MYO5B: variants seen among roughly 807,000 people sequenced by gnomAD.
MYO5B encodes the protein unconventional myosin-Vb.
Under a neutral mutation model 229.3 loss-of-function variants are expected in MYO5B, and 143 were observed. That is an observed-to-expected ratio of 0.62 (90% CI 0.54 to 0.72). The LOEUF is 0.72. Ranked by LOEUF, MYO5B falls within the 30% of genes least tolerant of loss-of-function variation. The probability of loss-of-function intolerance (pLI) is 0.00; values close to 1 mark genes in which losing one functional copy is unlikely to be tolerated. For synonymous variants in MYO5B, 918 were observed against 885.2 expected, an observed-to-expected ratio of 1.04 and a Z score of -0.66; for missense variants, 2,321 against 2,331.0, an observed-to-expected ratio of 1.00 and a Z score of 0.09.
intron 4 of MYO5B, among the ~76,000 whole-genome samples, chr18:50,015,619 G>A (rs1286551951): frequency 6.6e-6 from 1 of 152,190 alleles, no homozygotes; most frequent in African/African-American, 2.4e-5. Flanking sequence ...CAGCAGGTGT[G>A]CCCAGGGCAA....
chr18:49,936,573 G>A (rs1383105133), intron 15 of MYO5B, among the ~76,000 whole-genome samples: 1 of 152,066 alleles, frequency 6.6e-6, no homozygotes, highest in Non-Finnish European at 1.5e-5. Flanking sequence ...TGAATTACAT[G>A]GGGGACAGAC....
chr18:50,147,246 A>C (rs2144296478), intron 1 of MYO5B, among the ~76,000 whole-genome samples: 1 of 152,114 alleles, frequency 6.6e-6, no homozygotes, highest in African/African-American at 2.4e-5. Context: ...CCAACTACCC[A>C]AGTCAGGATC....
Position 50,122,547 on chromosome 18 carries a change from T to C in MYO5B, c.28-67169A>G, listed in dbSNP as rs530680645. On this transcript the variant is annotated intron_variant, in intron 1 of 39. Coordinates refer to ENST00000285039, the MANE Select transcript of MYO5B (RefSeq NM_001080467.3). ...AATCCCTTAAACCTGGGAAGCAGTT[T>C]GTGCCACTGCACTCCAGCCTGGGGG... Among the ~76,000 whole-genome samples the C allele has an allele frequency of 9.8e-4, 131 of 134,032 alleles. 3 individuals are homozygous for C. Among genetic ancestry groups the C allele is most frequent in the African/African-American group, 3.5e-3 (127 of 36,604 alleles). The allele number at this position is 134,032 out of a possible 152,430, so 87.9% of individuals were successfully genotyped here.
intron 1 of MYO5B, among the ~76,000 whole-genome samples, chr18:50,175,228 C>T (rs1159319115): frequency 1.3e-5 from 2 of 152,176 alleles, no homozygotes; most frequent in Non-Finnish European, 2.9e-5. Context: ...GCCTGCCTCC[C>T]TCTTTACTTT....
intron 17 of MYO5B, among the ~76,000 whole-genome samples, chr18:49,913,080 A>G (rs1283399687): frequency 7.9e-5 from 12 of 152,210 alleles, no homozygotes; most frequent in Non-Finnish European, 2.9e-5. Flanking sequence ...TGATTATTAG[A>G]GTAATACAGG....
chr18:50,109,680 C>G (rs1290306875), intron 1 of MYO5B, among the ~76,000 whole-genome samples: 2 of 152,172 alleles, frequency 1.3e-5, no homozygotes, highest in Admixed American at 6.5e-5. Context: ...CCTGCCTCAG[C>G]CTCCCAAAGT....
At chr18:49,833,076 T>A (rs893029449) in intron 39 of MYO5B, among the ~76,000 whole-genome samples, 1 of 152,194 alleles carries the variant, frequency 6.6e-6, no homozygotes, top group African/African-American at 2.4e-5. Context: ...GACAGTAGAC[T>A]TCACTACCTA....
intron 4 of MYO5B, among the ~76,000 whole-genome samples, chr18:50,017,867 C>A (rs1009603904): frequency 1.3e-5 from 2 of 152,184 alleles, no homozygotes; most frequent in African/African-American, 4.8e-5. Context: ...TCTTCACTCC[C>A]AGAAACGCCA....
At chr18:49,929,657 A>G in intron 16 of MYO5B, 59 bp from the exon 17 acceptor site, 1 of 1,432,244 alleles carries the variant, frequency 7.0e-7, no homozygotes. Flanking sequence ...CCACATTTGC[A>G]AAAAAGAAAC....
At chr18:49,829,415 T>C (rs936196328) in intron 39 of MYO5B, among the ~76,000 whole-genome samples, 5 of 152,106 alleles carry the variant, frequency 3.3e-5, no homozygotes, top group Non-Finnish European at 7.4e-5. Context: ...TAAGAAGAAA[T>C]AGAAAATTTG....
chr18:50,128,700 G>C (rs2032206891), intron 1 of MYO5B, among the ~76,000 whole-genome samples: 1 of 152,152 alleles, frequency 6.6e-6, no homozygotes, highest in Admixed American at 6.5e-5. Context: ...CCACGTGCCA[G>C]CACCTAAGAA....
chr18:49,957,037 G>T (rs531651240), intron 12 of MYO5B, among the ~76,000 whole-genome samples: 1 of 147,194 alleles, frequency 6.8e-6, no homozygotes, highest in African/African-American at 2.5e-5. Flanking sequence ...CCACCAAATT[G>T]TATACTTTAA....
Position 49,906,226 on chromosome 18 carries a change from C to T in MYO5B, c.2414+193G>A, listed in dbSNP as rs559220483. On this transcript the variant is annotated intron_variant, in intron 19 of 39. Coordinates refer to ENST00000285039, the MANE Select transcript of MYO5B (RefSeq NM_001080467.3). The stretch of plus-strand genomic sequence containing the variant: ...GAAACCAGGAGATGTGGAAACTAGA[C>T]CTACCCCCTGAGGTGAGAAGGCATT... Among the ~76,000 whole-genome samples, 3 of 152,204 alleles carry T rather than the reference C, an allele frequency of 2.0e-5. No individual in the cohort carries two copies. The South Asian group carries it at 6.2e-4, about 32-fold the overall frequency.
At chr18:49,936,155 C>T (rs2025247019) in intron 16 of MYO5B, 97 bp downstream of exon 16, 3 of 1,019,824 alleles carry the variant, frequency 2.9e-6, no homozygotes, top group East Asian at 2.6e-5. Flanking sequence ...GGTCATCATG[C>T]TGAAGGCCAC....
chr18:50,053,578 C>T (rs950300505), intron 2 of MYO5B, among the ~76,000 whole-genome samples: 3 of 152,072 alleles, frequency 2.0e-5, no homozygotes, highest in African/African-American at 4.8e-5. Context: ...AAACATAATT[C>T]CATCTGTTGG....
intron 37 of MYO5B, 65 bp from the exon 38 acceptor site, chr18:49,836,950 C>G (rs1393669707): frequency 6.5e-7 from 1 of 1,539,396 alleles, no homozygotes; most frequent in African/African-American, 1.4e-5. Context: ...GAAGGGGACA[C>G]CTGTTGTGTT....
chr18:50,154,498 T>C (rs1034192091), intron 1 of MYO5B, among the ~76,000 whole-genome samples: 2 of 152,226 alleles, frequency 1.3e-5, no homozygotes, highest in Non-Finnish European at 2.9e-5. Context: ...GGTTGAGTAG[T>C]AATGTCAAGA....
chr18:49,846,580 A>G (rs1298878100), intron 33 of MYO5B, among the ~76,000 whole-genome samples: 1 of 152,166 alleles, frequency 6.6e-6, no homozygotes, highest in Non-Finnish European at 1.5e-5. Flanking sequence ...ACCACACAGC[A>G]CTTTAAACTG....
chr18:49,882,792 T>C (rs1481756915), intron 22 of MYO5B, among the ~76,000 whole-genome samples: 1 of 152,038 alleles, frequency 6.6e-6, no homozygotes, highest in Non-Finnish European at 1.5e-5. Context: ...AAATACACAC[T>C]TTAAAACCAC....
Sources: gnomAD v4.1 joint callset for allele counts (sites outside exome capture counted in the v4.1 genomes callset) on GRCh38, gnomAD v4.1.1 for gene constraint, MANE v1.5 for transcripts, NCBI Gene and HGNC (gene_info 2026-07-23, HGNC 2026-07-21) for gene names.